CFAP299: variants seen among roughly 807,000 people sequenced by gnomAD.
CFAP299 encodes cilia- and flagella-associated protein 299.
A neutral mutation model predicts 27.0 loss-of-function variants in CFAP299; 21 were observed. The observed-to-expected ratio is 0.78, with a 90% CI of 0.55 to 1.12. The LOEUF (loss-of-function observed/expected upper bound fraction) is 1.12, where lower values mean the gene tolerates loss of function less well. Ranked by LOEUF, CFAP299 falls within the 50% of genes most tolerant of loss-of-function variation. The pLI, the probability that CFAP299 is intolerant of heterozygous loss-of-function variation, is 0.00. For missense variants in CFAP299, 310 were observed against 276.6 expected (o/e 1.12, Z -0.86); for synonymous variants, 104 against 98.1 (o/e 1.06, Z -0.36).
At chr4:80,495,256 C>T (rs1381948027) in intron 2 of CFAP299, among the ~76,000 whole-genome samples, 1 of 149,472 alleles carries the variant, frequency 6.7e-6, no homozygotes, top group Non-Finnish European at 1.5e-5. Context: ...CTCTAATTTC[C>T]TTCCTGAAAT....
At chr4:80,454,028 C>G (rs959092957) in intron 2 of CFAP299, among the ~76,000 whole-genome samples, 5 of 151,920 alleles carry the variant, frequency 3.3e-5, no homozygotes, top group African/African-American at 1.2e-4. Flanking sequence ...CCATCTCAGA[C>G]CCCTGAGTTT....
In CFAP299 at chr4:80,643,095, G is replaced by A. The variant is rs571873586; in HGVS notation, c.333+59912G>A. 3.3e-5 allele frequency among the ~76,000 whole-genome samples: 5 copies of A among 152,132 alleles called. 1 individual carries two copies. In the South Asian group the frequency reaches 6.2e-4, roughly 19 times the overall value. Reference sequence around the variant, plus strand: ...GAGGATCGCTTGAGCCTAGGAGTTCGAGACCAGCTTGGGCAACATAACAAG... The same window carrying A: ...GAGGATCGCTTGAGCCTAGGAGTTCAAGACCAGCTTGGGCAACATAACAAG... On this transcript the variant is annotated intron_variant, in intron 3 of 5. Coordinates refer to ENST00000358105, the MANE Select transcript of CFAP299 (RefSeq NM_152770.3).
intron 3 of CFAP299, among the ~76,000 whole-genome samples, chr4:80,752,804 T>C (rs1290694855): frequency 6.6e-6 from 1 of 152,100 alleles, no homozygotes; most frequent in African/African-American, 2.4e-5. Flanking sequence ...AAATCTATTC[T>C]ATTGATTACA....
chr4:80,533,006 G>C (rs1305495545), intron 2 of CFAP299, among the ~76,000 whole-genome samples: 1 of 151,950 alleles, frequency 6.6e-6, no homozygotes, highest in Non-Finnish European at 1.5e-5. Context: ...ATAATTTATT[G>C]TTTTTTTGTG....
chr4:80,623,552 T>G (rs995686643), intron 3 of CFAP299, among the ~76,000 whole-genome samples: 13 of 152,120 alleles, frequency 8.5e-5, no homozygotes, highest in Admixed American at 6.5e-5. Context: ...AAGATAAAGC[T>G]TTCACAGTAT....
chr4:80,908,639 T>C (rs1316344118), intron 4 of CFAP299, among the ~76,000 whole-genome samples: 2 of 152,230 alleles, frequency 1.3e-5, no homozygotes, highest in African/African-American at 4.8e-5. Flanking sequence ...GATCAAAATG[T>C]TCTTTAGACA....
rs185286689 is a variant in CFAP299 at position 80,662,566 on chromosome 4, C to T, written c.333+79383C>T. 2.5e-4 allele frequency among the ~76,000 whole-genome samples: 38 copies of T among 152,214 alleles called. No individual in the cohort carries two copies. The East Asian group carries it at 6.4e-3, about 26-fold the overall frequency. On this transcript the variant is annotated intron_variant, in intron 3 of 5. Coordinates refer to ENST00000358105, the MANE Select transcript of CFAP299 (RefSeq NM_152770.3). ...AGTGGAGGGTTAAAGCAAAATGCTGCTACTTAATTTGGGGGTTCTATAGTT... is the reference window on the plus strand; with the variant it reads ...AGTGGAGGGTTAAAGCAAAATGCTGTTACTTAATTTGGGGGTTCTATAGTT...
intron 3 of CFAP299, chr4:80,648,830 G>T (rs886734134): frequency 6.6e-6 from 1 of 151,950 alleles, no homozygotes; most frequent in Non-Finnish European, 1.5e-5. Context: ...TTAATATATC[G>T]GGGATCTATA....
chr4:80,415,752 A>G (rs1374662893), intron 2 of CFAP299, among the ~76,000 whole-genome samples: 1 of 152,206 alleles, frequency 6.6e-6, no homozygotes, highest in African/African-American at 2.4e-5. Flanking sequence ...CCAATTTTAG[A>G]CATTTGTGAG....
chr4:80,624,489 T>C (rs1738778264), intron 3 of CFAP299, among the ~76,000 whole-genome samples: 1 of 151,700 alleles, frequency 6.6e-6, no homozygotes, highest in South Asian at 2.1e-4. Context: ...TTATGAGATT[T>C]ATGGGGCAGC....
At chr4:80,356,035 A>T (rs761203500) in intron 1 of CFAP299, among the ~76,000 whole-genome samples, 20 of 151,792 alleles carry the variant, frequency 1.3e-4, no homozygotes, top group Non-Finnish European at 2.6e-4. Flanking sequence ...GAATGGGTCC[A>T]GTTTCAATTT....
At chr4:80,361,855 G>A (rs1185443836) in intron 1 of CFAP299, among the ~76,000 whole-genome samples, 4 of 152,026 alleles carry the variant, frequency 2.6e-5, no homozygotes, top group African/African-American at 4.8e-5. Context: ...CAGCGATATA[G>A]TAATTAAGTC....
At chr4:80,423,654 C>T (rs1033017561) in intron 2 of CFAP299, among the ~76,000 whole-genome samples, 6 of 152,134 alleles carry the variant, frequency 3.9e-5, no homozygotes, top group South Asian at 2.1e-4. Flanking sequence ...TCTCAGCTGG[C>T]GGCTGGGCCA....
intron 2 of CFAP299, among the ~76,000 whole-genome samples, chr4:80,555,422 C>T (rs1230271373): frequency 6.6e-6 from 1 of 152,062 alleles, no homozygotes; most frequent in Non-Finnish European, 1.5e-5. Flanking sequence ...AGGAGTTTTA[C>T]ATTGATGTTC....
chr4:80,812,014 A>G lies in CFAP299; in HGVS notation c.334-57979A>G, dbSNP rs1362838569. ...AGCCAAAATGGTCACGTGAAACAGG[A>G]CTACAATAGCGGACACGTAGTTTCA... is the stretch of plus-strand genomic sequence containing the variant. On this transcript the variant is annotated intron_variant, in intron 3 of 5. Transcript: ENST00000358105. Among the ~76,000 whole-genome samples, 8 of 152,248 alleles carry G rather than the reference A, an allele frequency of 5.3e-5. No homozygotes were observed. In the East Asian group the frequency reaches 1.5e-3, roughly 29 times the overall value.
At chr4:80,574,557 T>A (rs781624342) in intron 2 of CFAP299, among the ~76,000 whole-genome samples, 5 of 152,150 alleles carry the variant, frequency 3.3e-5, no homozygotes, top group African/African-American at 4.8e-5. Flanking sequence ...GAAAAGACTT[T>A]CAATTTTTCC....
chr4:80,718,453 C>T (rs1722617469), intron 3 of CFAP299, among the ~76,000 whole-genome samples: 1 of 151,970 alleles, frequency 6.6e-6, no homozygotes, highest in African/African-American at 2.4e-5. Flanking sequence ...AATTGTGCCT[C>T]TGTGTAGTAC....
intron 2 of CFAP299, among the ~76,000 whole-genome samples, chr4:80,426,585 A>G (rs773539025): frequency 3.9e-5 from 6 of 152,226 alleles, no homozygotes; most frequent in Non-Finnish European, 8.8e-5. Flanking sequence ...ACTAAAATTG[A>G]TTCTTGGGTC....
intron 3 of CFAP299, among the ~76,000 whole-genome samples, chr4:80,700,435 C>T (rs985106154): frequency 7.2e-5 from 11 of 151,790 alleles, no homozygotes; most frequent in Admixed American, 7.2e-4. Flanking sequence ...GTGGTGGTAC[C>T]GCTAACTAGA....
Sources: gnomAD v4.1 joint callset for allele counts (sites outside exome capture counted in the v4.1 genomes callset) on GRCh38, gnomAD v4.1.1 for gene constraint, MANE v1.5 for transcripts, NCBI Gene and HGNC (gene_info 2026-07-23, HGNC 2026-07-21) for gene names.